Variants in INPP5K observed in about 807,000 individuals in gnomAD.
INPP5K encodes inositol polyphosphate 5-phosphatase K.
A neutral mutation model predicts 53.5 loss-of-function variants in INPP5K; 35 were observed. The observed-to-expected ratio is 0.65, with a 90% CI of 0.50 to 0.87. The LOEUF (loss-of-function observed/expected upper bound fraction) is 0.87, where lower values mean the gene tolerates loss of function less well. INPP5K is among the 40% of genes least tolerant of loss of function. The pLI, the probability that INPP5K is intolerant of heterozygous loss-of-function variation, is 0.00. For synonymous variants in INPP5K, 253 were observed against 232.8 expected (o/e 1.09, Z -0.79); for missense variants, 550 against 586.2 (o/e 0.94, Z 0.64).
Position 1,498,012 on chromosome 17 carries a change from G to A in INPP5K, c.887C>T (p.Ser296Phe), listed in dbSNP as rs773874933. 1.2e-6 allele frequency: 2 copies of A among 1,614,168 alleles called. No individual in the cohort carries two copies. Among genetic ancestry groups the A allele is most frequent in the South Asian group, 1.1e-5 (1 of 91,092 alleles). ...PIPPASHFSL[S>F]LRGYSSHMTY... ...CATGTGGCTGCTGTAGCCCCTCAGA[G>A]ACAAGGAGAAGTGTGACGCCGGCGG... is the stretch of plus-strand genomic sequence containing the variant. The change falls in exon 8 of 12, where the codon TCT (serine) becomes TTT (phenylalanine). Residue 296 changes from serine to phenylalanine, a missense_variant. Physicochemically the swap from Ser to Phe is radical, Grantham distance 155. Transcript: ENST00000421807.
intron 2 of INPP5K, 59 bp from the exon 3 acceptor site, chr17:1,513,620 G>C (rs2075360830): frequency 7.2e-7 from 1 of 1,398,552 alleles, no homozygotes; most frequent in Non-Finnish European, 1.0e-6. Context: ...CCCTGCCACA[G>C]ATATTTGATA....
intron 7 of INPP5K, among the ~76,000 whole-genome samples, chr17:1,503,785 G>A (rs971707967): frequency 6.6e-6 from 1 of 152,126 alleles, no homozygotes; most frequent in Non-Finnish European, 1.5e-5. Context: ...TGTAACCCCG[G>A]ACTTTAGCAG....
Position 1,509,210 on chromosome 17 carries a change from C to T in INPP5K, c.522G>A (p.Glu174=), listed in dbSNP as rs200366090. 59 of 1,613,746 alleles carry T rather than the reference C, an allele frequency of 3.7e-5. No individual in the cohort carries two copies. In the East Asian group the frequency reaches 1.2e-3, roughly 33 times the overall value. ...CCAGGATGTTTGGGATGTCTCGCCC[C>T]TCACAATTCTGCATCTCCAGGATCC... ...FDRILEMQNC[E]GRDIPNILDH... Residue 174 remains glutamate, a synonymous_variant, in exon 5 of 12, where the codon GAG becomes GAA. Transcript: ENST00000421807.
rs770900891 is a variant in INPP5K, at chr17:1,513,919, C to T, written c.105G>A (p.Leu35=). The change falls in exon 2 of 12, where the codon CTG becomes CTA. Residue 35 remains leucine, a synonymous_variant. Coordinates refer to ENST00000421807, the MANE Select transcript of INPP5K (RefSeq NM_016532.4). ...SAAPPLDLSD[L]LQLNNRNLNL... ...TGAGGTTCCGGTTGTTCAGCTGAAG[C>T]AGGTCACTGAGATCTAGAGGGGGCG... The T allele has an allele frequency of 6.2e-7, 1 of 1,613,570 alleles. No individual in the cohort carries two copies. Among genetic ancestry groups the T allele is most frequent in the Non-Finnish European group, 8.5e-7 (1 of 1,179,622 alleles).
At chr17:1,512,866 G>A (rs1033744121) in intron 3 of INPP5K, among the ~76,000 whole-genome samples, 3 of 152,166 alleles carry the variant, frequency 2.0e-5, no homozygotes. Flanking sequence ...CCTAAGATCT[G>A]TCAGTCTTAG....
At chr17:1,502,289 T>C (rs1409172057) in intron 7 of INPP5K, among the ~76,000 whole-genome samples, 4 of 152,000 alleles carry the variant, frequency 2.6e-5, no homozygotes, top group Admixed American at 6.6e-5. Flanking sequence ...ACAGAGCTTG[T>C]AGTGAGTGGA....
chr17:1,508,252 G>A (rs1452144133), intron 5 of INPP5K, 26 bp from the exon 6 acceptor site: 2 of 1,554,538 alleles, frequency 1.3e-6, no homozygotes, highest in Non-Finnish European at 1.8e-6. Context: ...AGGGCAGCCT[G>A]AGGATTTGTG....
At chr17:1,502,047 G>GA (rs1335941287) in intron 7 of INPP5K, among the ~76,000 whole-genome samples, 1 of 133,574 alleles carries the variant, frequency 7.5e-6, no homozygotes, top group Admixed American at 7.7e-5. Flanking sequence ...AAAAAAAAAA[G>GA]AAAAAAACAA....
intron 7 of INPP5K, among the ~76,000 whole-genome samples, chr17:1,502,941 G>C (rs1016872000): frequency 6.6e-6 from 1 of 151,840 alleles, no homozygotes; most frequent in African/African-American, 2.4e-5. Flanking sequence ...CCAGGCTGGA[G>C]TGCAGTGGTG....
At chr17:1,505,774 T>G (rs1293174216) in intron 7 of INPP5K, among the ~76,000 whole-genome samples, 4 of 152,174 alleles carry the variant, frequency 2.6e-5, no homozygotes, top group Non-Finnish European at 5.9e-5. Flanking sequence ...GCCCTGCCGG[T>G]ACCTCCCGCC....
At chr17:1,497,811 C>A (rs2074896388) in intron 8 of INPP5K, 125 bp downstream of exon 8, 1 of 820,526 alleles carries the variant, frequency 1.2e-6, no homozygotes. Flanking sequence ...GCAGGAAAGG[C>A]AATCATGGCC....
intron 3 of INPP5K, among the ~76,000 whole-genome samples, chr17:1,511,221 C>T (rs562343931): frequency 6.6e-6 from 1 of 152,278 alleles, no homozygotes; most frequent in East Asian, 1.9e-4. Flanking sequence ...TAAGGAATCA[C>T]CGTCCCTGTT....
intron 2 of INPP5K, 137 bp downstream of exon 2, chr17:1,513,735 G>C (rs1421964963): frequency 5.7e-6 from 5 of 873,222 alleles, no homozygotes; most frequent in Non-Finnish European, 1.8e-6. Flanking sequence ...CGGGACCAGA[G>C]ACATGGGACT....
chr17:1,514,743 AG>A (rs139198140), intron 1 of INPP5K, among the ~76,000 whole-genome samples: 15,131 of 152,134 alleles, frequency 0.099, 1,087 homozygotes, highest in African/African-American at 0.19. Flanking sequence ...TAAGACCACC[AG>A]GAAGATCCTA....
intron 7 of INPP5K, among the ~76,000 whole-genome samples, chr17:1,506,501 C>A (rs539365838): frequency 6.6e-6 from 1 of 152,174 alleles, no homozygotes; most frequent in African/African-American, 2.4e-5. Context: ...AACTACCAGA[C>A]TCATGATCTC....
At chr17:1,515,863 CAG>C (rs1347962865) in intron 1 of INPP5K, 6 of 963,786 alleles carry the variant, frequency 6.2e-6, no homozygotes, top group African/African-American at 5.3e-5. Flanking sequence ...ACCTTTTACT[CAG>C]AGACTTCTTT....
At position 1,509,711 on chromosome 17, in the gene INPP5K, G is replaced by C. The variant is rs560961840; in HGVS notation, c.350C>G (p.Ser117Cys). The C allele has an allele frequency of 1.2e-6, 2 of 1,612,266 alleles. No homozygotes were observed. Among genetic ancestry groups the C allele is most frequent in the African/African-American group, 1.3e-5 (1 of 74,988 alleles). The change falls in exon 4 of 12, where the codon TCC (serine) becomes TGC (cysteine). Residue 117 changes from serine to cysteine, a missense_variant. Ser to Cys is a moderately radical substitution (Grantham distance 112). Transcript: ENST00000421807. Reference sequence around the variant, plus strand: ...GTACCCAAACAGGCCAGTGGGGGTGGATTTAGTAGACAGAATCTGGATATA... The same window carrying C: ...GTACCCAAACAGGCCAGTGGGGGTGCATTTAGTAGACAGAATCTGGATATA... Reference protein sequence around the residue: ...LPYIQILSTKSTPTGLFGYWG... With the variant: ...LPYIQILSTKCTPTGLFGYWG...
Position 1,496,750 on chromosome 17 carries a change from C to CTGT in INPP5K, c.1016_1017insACA (p.Trp339delinsTer). On this transcript the variant is annotated stop_gained, in exon 9 of 12. Coordinates refer to ENST00000421807, the MANE Select transcript of INPP5K (RefSeq NM_016532.4). LOFTEE classifies it high-confidence loss of function. Reference sequence around the variant, plus strand: ...TGACCATCATGTCATTTTCCACGGTCCACAGGTCCTCGGGCATCAGGACGA... The same window carrying CTGT: ...TGACCATCATGTCATTTTCCACGGTCTGTCACAGGTCCTCGGGCATCAGGACGA... The CTGT allele has an allele frequency of 1.9e-6, 3 of 1,614,198 alleles. No homozygotes were observed. Among genetic ancestry groups the CTGT allele is most frequent in the Non-Finnish European group, 2.5e-6 (3 of 1,180,034 alleles).
intron 7 of INPP5K, 163 bp from the exon 8 acceptor site, chr17:1,498,285 G>A (rs533792059): frequency 7.2e-6 from 4 of 558,750 alleles, no homozygotes; most frequent in Middle Eastern, 4.7e-4. Context: ...GCAGCAGGCA[G>A]GAAGGTGCCT....
Sources: gnomAD v4.1 joint callset for allele counts (sites outside exome capture counted in the v4.1 genomes callset) on GRCh38, gnomAD v4.1.1 for gene constraint, MANE v1.5 for transcripts, NCBI Gene and HGNC (gene_info 2026-07-23, HGNC 2026-07-21) for gene names.